The following TEX9 variants were observed in gnomAD, a reference collection of about 807,000 sequenced individuals.
TEX9 encodes testis expressed 9.
TEX9 carries 74 observed loss-of-function variants against 59.6 expected under a neutral mutation model. That is an observed-to-expected ratio of 1.24 (90% CI 1.03 to 1.51). The LOEUF (loss-of-function observed/expected upper bound fraction) is 1.51, where lower values mean the gene tolerates loss of function less well. Ranked by LOEUF, TEX9 falls within the 40% of genes most tolerant of loss-of-function variation. The pLI is 0.00. For synonymous variants in TEX9, 186 were observed against 152.2 expected (o/e 1.22, Z -1.64); for missense variants, 522 against 447.8 (o/e 1.17, Z -1.49).
At chr15:56,334,358 A>G (rs191509508) in intron 1 of TEX9, among the ~76,000 whole-genome samples, 53 of 152,318 alleles carry the variant, frequency 3.5e-4, no homozygotes, top group African/African-American at 1.2e-3. Flanking sequence ...AAGTCTGTAC[A>G]CCTACAGTGA....
upstream of TEX9, among the ~76,000 whole-genome samples, chr15:56,364,155 T>C (rs2141934454): frequency 6.6e-6 from 1 of 152,222 alleles, no homozygotes; most frequent in South Asian, 2.1e-4. Flanking sequence ...TTTTTCCTTT[T>C]TTTTGTTTTT....
At chr15:56,273,088 G>C (rs1307779863) in intron 1 of TEX9, among the ~76,000 whole-genome samples, 1 of 151,702 alleles carries the variant, frequency 6.6e-6, no homozygotes, top group South Asian at 2.1e-4. Context: ...TGAGTAACTG[G>C]GACTACAGGC....
At chr15:56,297,516 A>G (rs2045244063) in intron 1 of TEX9, among the ~76,000 whole-genome samples, 1 of 152,090 alleles carries the variant, frequency 6.6e-6, no homozygotes, top group African/African-American at 2.4e-5. Context: ...TTTCTACAAA[A>G]TTTCTTTTGT....
chr15:56,366,676 T>C (rs1345190879), intron 2 of TEX9, among the ~76,000 whole-genome samples: 4 of 152,240 alleles, frequency 2.6e-5, no homozygotes, highest in Non-Finnish European at 4.4e-5. Flanking sequence ...AAAAAGTGCC[T>C]TTTAACAACT....
intron 1 of TEX9, among the ~76,000 whole-genome samples, chr15:56,314,979 C>CT (rs1256450934): frequency 2.6e-5 from 4 of 150,948 alleles, no homozygotes. Context: ...CAACCCCTGC[C>CT]TTTTTTTGTT....
intron 9 of TEX9, among the ~76,000 whole-genome samples, chr15:56,411,216 A>G (rs1261663452): frequency 6.6e-6 from 1 of 152,194 alleles, no homozygotes; most frequent in Non-Finnish European, 1.5e-5. Flanking sequence ...GTATTACAAA[A>G]TAAGTTCAGT....
intron 3 of TEX9, among the ~76,000 whole-genome samples, chr15:56,380,093 G>A (rs897640579): frequency 6.6e-5 from 10 of 151,666 alleles, no homozygotes; most frequent in African/African-American, 2.4e-4. Flanking sequence ...TTGTCTTGTG[G>A]CATTCCTTCC....
intron 1 of TEX9, among the ~76,000 whole-genome samples, chr15:56,310,750 G>C (rs147833098): frequency 6.6e-6 from 1 of 152,174 alleles, no homozygotes; most frequent in Non-Finnish European, 1.5e-5. Flanking sequence ...AGGGAAAGCA[G>C]AGAAAAAGAG....
upstream of TEX9, among the ~76,000 whole-genome samples, chr15:56,363,715 G>C (rs1383896967): frequency 6.6e-6 from 1 of 151,358 alleles, no homozygotes; most frequent in African/African-American, 2.4e-5. Flanking sequence ...ACCCAGGCTA[G>C]AGTGCAGTGG....
chr15:56,249,466 G>C (rs1161079262), intron 1 of TEX9, among the ~76,000 whole-genome samples: 4 of 147,074 alleles, frequency 2.7e-5, no homozygotes, highest in African/African-American at 7.4e-5. Context: ...AGGGAGGGAG[G>C]GAAGAAAGGA....
chr15:56,307,012 A>G (rs1361717908), intron 1 of TEX9, among the ~76,000 whole-genome samples: 1 of 152,182 alleles, frequency 6.6e-6, no homozygotes, highest in African/African-American at 2.4e-5. Flanking sequence ...GGTAGTTTAA[A>G]ATCTCAACTC....
intron 12 of TEX9, chr15:56,444,523 G>A: frequency 4.3e-6 from 7 of 1,611,076 alleles, no homozygotes; most frequent in Non-Finnish European, 5.9e-6. Flanking sequence ...TAAGCTTCCT[G>A]CTTTTTTTTT....
rs547777466 is a variant in TEX9, at chr15:56,324,028, G to T, written c.-106-49413G>T. Among the ~76,000 whole-genome samples, 7 of 152,244 alleles carry T rather than the reference G, an allele frequency of 4.6e-5. No homozygotes were observed. In the South Asian group the frequency reaches 1.5e-3, roughly 32 times the overall value. On this transcript the variant is annotated intron_variant, in intron 1 of 5. Transcript: ENST00000560827. ...ATAGCCACAAACCTGGCCTGGTACA[G>T]TATGGGGGTCGTAAACTGGCATAGA...
intron 9 of TEX9, chr15:56,396,197 C>T (rs1440915348): frequency 1.3e-5 from 2 of 151,972 alleles, no homozygotes; most frequent in Admixed American, 6.6e-5. Flanking sequence ...TTATTAGTAC[C>T]CTTACATTTC....
intron 1 of TEX9, among the ~76,000 whole-genome samples, chr15:56,321,641 A>C (rs2045906951): frequency 6.6e-6 from 1 of 152,188 alleles, no homozygotes; most frequent in South Asian, 2.1e-4. Context: ...CCAGCATGGA[A>C]ATTATTCTTC....
intron 12 of TEX9, chr15:56,434,483 G>A: frequency 7.5e-7 from 1 of 1,340,068 alleles, no homozygotes; most frequent in African/African-American, 1.5e-5. Context: ...GTTAAATTTA[G>A]TATTACAATA....
chr15:56,251,370 G>T (rs1158130611), intron 1 of TEX9, among the ~76,000 whole-genome samples: 1 of 152,086 alleles, frequency 6.6e-6, no homozygotes. Flanking sequence ...TTCCATCCTT[G>T]TCTCTTGTAA....
At chr15:56,383,519 CT>C (rs763370132) in intron 3 of TEX9, among the ~76,000 whole-genome samples, 10 of 152,290 alleles carry the variant, frequency 6.6e-5, no homozygotes, top group South Asian at 2.1e-4. Context: ...GCTTTTACCC[CT>C]GATACTTCAC....
chr15:56,295,353 G>T (rs2141528958), intron 1 of TEX9, among the ~76,000 whole-genome samples: 1 of 152,124 alleles, frequency 6.6e-6, no homozygotes, highest in South Asian at 2.1e-4. Flanking sequence ...TAACATTCTG[G>T]GTTTTAAAAA....
Sources: allele counts gnomAD v4.1 joint callset (sites outside exome capture counted in the v4.1 genomes callset), GRCh38; gene constraint gnomAD v4.1.1; transcripts MANE v1.5; gene names NCBI Gene and HGNC (gene_info 2026-07-23, HGNC 2026-07-21).